Variants in DLC1 observed in about 807,000 individuals in gnomAD.
The protein encoded by DLC1 is rho GTPase-activating protein 7.
Under a neutral mutation model 140.3 loss-of-function variants are expected in DLC1, and 54 were observed. That is an observed-to-expected ratio of 0.38 (90% CI 0.31 to 0.48). The LOEUF (loss-of-function observed/expected upper bound fraction) is 0.48. Ranked by LOEUF, DLC1 falls within the 20% of genes least tolerant of loss-of-function variation. DLC1 has a pLI of 0.96. For missense variants in DLC1, 2,536 were observed against 1,907.0 expected, an observed-to-expected ratio of 1.33 and a Z score of -6.14; for synonymous variants, 986 against 728.1, an observed-to-expected ratio of 1.35 and a Z score of -5.70.
rs376491544 is a variant in DLC1, at chr8:13,094,837, G to A, written c.3448C>T (p.Leu1150=). ...GQSAYDVADM[L]KQYFRDLPEP... ...GGAAGATCTCGAAAATACTGCTTCA[G>A]CATGTCTGCCACGTCATAAGCAGAC... The change falls in exon 12 of 18, where the codon CTG becomes TTG. Residue 1150 remains leucine, a synonymous_variant. Transcript: ENST00000276297. 6 of 1,614,194 alleles carry A rather than the reference G, an allele frequency of 3.7e-6. No homozygotes were observed. Among genetic ancestry groups the A allele is most frequent in the Non-Finnish European group, 5.1e-6 (6 of 1,180,042 alleles).
intron 4 of DLC1, among the ~76,000 whole-genome samples, chr8:13,305,728 T>C (rs1215392293): frequency 6.6e-6 from 1 of 152,126 alleles, no homozygotes; most frequent in African/African-American, 2.4e-5. Context: ...TCCCAGCTAC[T>C]TGGAAGGCTG....
intron 5 of DLC1, among the ~76,000 whole-genome samples, chr8:13,209,546 T>C (rs1010046364): frequency 6.6e-6 from 1 of 152,138 alleles, no homozygotes; most frequent in Non-Finnish European, 1.5e-5. Flanking sequence ...AGTTTGGATG[T>C]TGTCCCTGCC....
intron 12 of DLC1, among the ~76,000 whole-genome samples, chr8:13,094,300 A>T (rs1217196747): frequency 6.6e-6 from 1 of 152,206 alleles, no homozygotes; most frequent in Non-Finnish European, 1.5e-5. Flanking sequence ...CCTGTTCCAC[A>T]AACAAGGCGG....
intron 2 of DLC1, among the ~76,000 whole-genome samples, chr8:13,457,207 T>G (rs1799431045): frequency 6.6e-6 from 1 of 152,192 alleles, no homozygotes; most frequent in South Asian, 2.1e-4. Flanking sequence ...AAATGTCTAC[T>G]GAATGGAAGA....
At chr8:13,449,522 G>T (rs570784555) in intron 2 of DLC1, among the ~76,000 whole-genome samples, 3 of 152,154 alleles carry the variant, frequency 2.0e-5, no homozygotes, top group Non-Finnish European at 4.4e-5. Context: ...CCTGACACAG[G>T]TGGAAAGAAT....
chr8:13,118,201 C>G (rs1384607508), intron 5 of DLC1, among the ~76,000 whole-genome samples: 1 of 151,866 alleles, frequency 6.6e-6, no homozygotes, highest in Non-Finnish European at 1.5e-5. Context: ...ATGGCCCTGT[C>G]TAACAAATAA....
At chr8:13,438,060 T>C (rs1243831649) in intron 2 of DLC1, among the ~76,000 whole-genome samples, 1 of 151,776 alleles carries the variant, frequency 6.6e-6, no homozygotes, top group African/African-American at 2.4e-5. Context: ...ATCAGTTATA[T>C]AAAATTAACA....
chr8:13,312,189 G>GTC (rs1832693926), intron 4 of DLC1, among the ~76,000 whole-genome samples: 1 of 132,544 alleles, frequency 7.5e-6, no homozygotes, highest in African/African-American at 2.9e-5. Flanking sequence ...GTGAAACCCC[G>GTC]TCTCTACTAA....
chr8:13,531,936 C>G (rs1803112777), intron 1 of DLC1, among the ~76,000 whole-genome samples: 1 of 152,196 alleles, frequency 6.6e-6, no homozygotes. Context: ...AGAACTTTAA[C>G]TTGCTTATGT....
chr8:13,360,446 T>A (rs1671426), intron 4 of DLC1, among the ~76,000 whole-genome samples: 100,136 of 152,104 alleles, frequency 0.66, 33,489 homozygotes, highest in East Asian at 0.79. Flanking sequence ...AAGCTACCCA[T>A]TTCCTCTACT....
intron 1 of DLC1, among the ~76,000 whole-genome samples, chr8:13,570,163 C>G (rs948919787): frequency 6.6e-6 from 1 of 152,196 alleles, no homozygotes; most frequent in Non-Finnish European, 1.5e-5. Context: ...TCTTTAACAT[C>G]TGGCCCAACT....
intron 5 of DLC1, among the ~76,000 whole-genome samples, chr8:13,158,655 C>T (rs1824429972): frequency 6.7e-6 from 1 of 149,936 alleles, no homozygotes; most frequent in African/African-American, 2.4e-5. Context: ...AGATCTAGCC[C>T]TGCTTTTCTT....
At chr8:13,225,994 C>A (rs1030875022) in intron 5 of DLC1, among the ~76,000 whole-genome samples, 4 of 152,012 alleles carry the variant, frequency 2.6e-5, no homozygotes, top group African/African-American at 9.7e-5. Context: ...TTCATTGCAG[C>A]CTTGAACTCC....
chr8:13,120,141 G>C (rs972595232), intron 5 of DLC1, among the ~76,000 whole-genome samples: 7 of 150,820 alleles, frequency 4.6e-5, no homozygotes, highest in African/African-American at 7.3e-5. Flanking sequence ...TCAGGAGTTC[G>C]AGACCAGCCT....
At chr8:13,358,348 AC>A (rs1396654223) in intron 4 of DLC1, among the ~76,000 whole-genome samples, 1 of 152,134 alleles carries the variant, frequency 6.6e-6, no homozygotes, top group Non-Finnish European at 1.5e-5. Flanking sequence ...TCGTTTTGTC[AC>A]CCCCAGGTTA....
At chr8:13,325,700 C>T (rs1441541305) in intron 4 of DLC1, among the ~76,000 whole-genome samples, 1 of 152,108 alleles carries the variant, frequency 6.6e-6, no homozygotes, top group Admixed American at 6.5e-5. Context: ...GAACGTTCGG[C>T]ATTATCACTG....
intron 1 of DLC1, among the ~76,000 whole-genome samples, chr8:13,579,249 T>C (rs7017558): frequency 0.025 from 1,783 of 70,852 alleles, 142 homozygotes; most frequent in Non-Finnish European, 0.029. Flanking sequence ...AGGGAGCATA[T>C]ATATATATAT....
chr8:13,131,873 G>C (rs1273061788), intron 5 of DLC1, among the ~76,000 whole-genome samples: 7 of 152,166 alleles, frequency 4.6e-5, no homozygotes, highest in African/African-American at 1.7e-4. Flanking sequence ...CACTTTCCTC[G>C]CCCCAGGGGC....
At chr8:13,227,690 C>T (rs13265399) in intron 5 of DLC1, among the ~76,000 whole-genome samples, 5 of 152,112 alleles carry the variant, frequency 3.3e-5, no homozygotes, top group Admixed American at 2.0e-4. Flanking sequence ...GTTAGACATA[C>T]GTGTTGCAAG....
Sources: gnomAD v4.1 joint callset for allele counts (sites outside exome capture counted in the v4.1 genomes callset) on GRCh38, gnomAD v4.1.1 for gene constraint, MANE v1.5 for transcripts, NCBI Gene and HGNC (gene_info 2026-07-23, HGNC 2026-07-21) for gene names.